The following TFRC variants were observed in gnomAD, a reference collection of about 807,000 sequenced individuals.
The protein encoded by TFRC is transferrin receptor, also known as transferrin receptor protein 1.
In TFRC, 35 loss-of-function variants were observed where a neutral mutation model predicts 85.8. The observed-to-expected ratio is 0.41, with a 90% CI of 0.31 to 0.54. TFRC has a LOEUF of 0.54. Ranked by LOEUF, TFRC falls within the 20% of genes least tolerant of loss-of-function variation. The probability of loss-of-function intolerance (pLI) is 0.31; values close to 1 mark genes in which losing one functional copy is unlikely to be tolerated. For synonymous variants in TFRC, 362 were observed against 328.6 expected (o/e 1.10, Z -1.10); for missense variants, 828 against 921.5 (o/e 0.90, Z 1.31).
In TFRC at chr3:196,051,172, TA is replaced by T. The variant is rs781422962; in HGVS notation, c.*769del. 3.2e-5 allele frequency: 7 copies of T among 216,194 alleles called. No homozygotes were observed. The highest frequency in any genetic ancestry group is 6.5e-5 in the Non-Finnish European group (7 of 107,030). The allele number at this position is 216,194 out of a possible 1,614,324, so 13.4% of individuals were successfully genotyped here. A position where few individuals can be genotyped will look rare whatever the true frequency, so the allele number is the denominator to read the frequency against. The stretch of plus-strand genomic sequence containing the variant: ...AAGTCTGACAAACTGAGTCTGCAAC[TA>T]AACACCTGAAACTGGTTCTCTTTCA... On this transcript the variant is annotated 3_prime_UTR_variant, in exon 19 of 19. Coordinates refer to ENST00000360110, the MANE Select transcript of TFRC (RefSeq NM_001128148.3).
In TFRC at chr3:196,067,654, G is replaced by A. The variant is rs368049940; in HGVS notation, c.904C>T (p.His302Tyr). The A allele has an allele frequency of 8.1e-6, 13 of 1,612,650 alleles. No individual in the cohort carries two copies. The highest frequency in any genetic ancestry group is 6.7e-5 in the Admixed American group (4 of 59,612). ...GTGTAAGGGTCACCTGTCCCCAGAT[G>A]AGCCTAGGAAAACAAAAGAGCAATT... ...NAELSFFGHA[H>Y]LGTGDPYTPG... The change falls in exon 9 of 19, where the codon CAT becomes TAT. Residue 302 changes from histidine (H) to tyrosine (Y), a missense_variant. Physicochemically the swap from His to Tyr is moderately conservative, Grantham distance 83. Coordinates refer to ENST00000360110, the MANE Select transcript of TFRC (RefSeq NM_001128148.3).
Position 196,051,703 on chromosome 3 carries a change from C to T in TFRC, c.*239G>A, listed in dbSNP as rs892797306. 2.0e-6 allele frequency: 1 copy of T among 488,740 alleles called. No individual in the cohort carries two copies. Among genetic ancestry groups the T allele is most frequent in the African/African-American group, 1.9e-5 (1 of 51,330 alleles). The allele number at this position is 488,740 out of a possible 1,614,324, so 30.3% of individuals were successfully genotyped here. A position where few individuals can be genotyped will look rare whatever the true frequency, so the allele number is the denominator to read the frequency against. The stretch of plus-strand genomic sequence containing the variant: ...TTCCCATTACAAAGCACTTAAAATT[C>T]TAGAGATAGGGGAATATTCCATCAT... On this transcript the variant is annotated 3_prime_UTR_variant, in exon 19 of 19. Coordinates refer to ENST00000360110, the MANE Select transcript of TFRC (RefSeq NM_001128148.3).
chr3:196,062,349 T>C (rs1472781759), intron 13 of TFRC: 2 of 466,582 alleles, frequency 4.3e-6, no homozygotes, highest in Non-Finnish European at 7.6e-6. Context: ...CTGGCCAACA[T>C]AGTGAAGCCC....
At chr3:196,070,102 T>C (rs1407419380) in intron 6 of TFRC, among the ~76,000 whole-genome samples, 1 of 152,096 alleles carries the variant, frequency 6.6e-6, no homozygotes, top group Non-Finnish European at 1.5e-5. Flanking sequence ...ACAAAAATCT[T>C]CAATGTTCTT....
Position 196,064,491 on chromosome 3 carries a change from T to C in TFRC, c.1199-63A>G, listed in dbSNP as rs757710728. On this transcript the variant is annotated intron_variant, in intron 10 of 18. Coordinates refer to ENST00000360110, the MANE Select transcript of TFRC (RefSeq NM_001128148.3). ...AATCAGCTTCTAAACTTTTCTAGAATTAGCACATCAGTAGAAAGGTAAAAG... is the reference window on the plus strand; with the variant it reads ...AATCAGCTTCTAAACTTTTCTAGAACTAGCACATCAGTAGAAAGGTAAAAG... 3.2e-5 allele frequency: 48 copies of C among 1,483,438 alleles called. No homozygotes were observed. In the South Asian group the frequency reaches 6.0e-4, roughly 19 times the overall value. 91.9% of individuals were successfully genotyped at this position (1,483,438 alleles called of 1,614,324 possible). A position where few individuals can be genotyped will look rare whatever the true frequency, so the allele number is the denominator to read the frequency against.
intron 16 of TFRC, chr3:196,055,524 G>C (rs1295602559): frequency 3.4e-6 from 2 of 581,554 alleles, no homozygotes; most frequent in Non-Finnish European, 6.1e-6. Context: ...TTTCTTCCAG[G>C]TTCTACAGAA....
chr3:196,053,486 T>C lies in TFRC; in HGVS notation c.1972A>G (p.Thr658Ala), dbSNP rs748490018. ...GTTTTCTCAGCATTCCCGAAATCTG[T>C]TGTTAGTCTGGAAGTAGCACGGAAG... Reference protein sequence around the residue: ...DFFRATSRLTTDFGNAEKTDR... With the variant: ...DFFRATSRLTADFGNAEKTDR... The change falls in exon 18 of 19, where the codon ACA (threonine) becomes GCA (alanine). Residue 658 changes from threonine to alanine, a missense_variant. By Grantham distance (58) the Thr-to-Ala change is moderately conservative. Transcript: ENST00000360110. The C allele has an allele frequency of 4.2e-5, 68 of 1,614,060 alleles. No homozygotes were observed. Among genetic ancestry groups the C allele is most frequent in the African/African-American group, 9.3e-5 (7 of 74,916 alleles).
intron 9 of TFRC, among the ~76,000 whole-genome samples, chr3:196,066,933 T>G (rs899719604): frequency 6.6e-6 from 1 of 152,082 alleles, no homozygotes; most frequent in African/African-American, 2.4e-5. Context: ...TATGTCCACA[T>G]CCAAATCAAA....
intron 17 of TFRC, among the ~76,000 whole-genome samples, chr3:196,054,564 T>C (rs1255390239): frequency 1.3e-5 from 2 of 152,262 alleles, no homozygotes; most frequent in Non-Finnish European, 2.9e-5. Context: ...TATTTAGAGA[T>C]GGGATTTTGC....
chr3:196,055,058 C>T (rs749777484), intron 17 of TFRC, 22 bp downstream of exon 17: 10 of 1,606,964 alleles, frequency 6.2e-6, no homozygotes, highest in East Asian at 2.2e-5. Flanking sequence ...AAAATAAAAA[C>T]GTAATTGGAA....
intron 1 of TFRC, among the ~76,000 whole-genome samples, chr3:196,080,572 C>A (rs1456034866): frequency 6.6e-6 from 1 of 152,208 alleles, no homozygotes; most frequent in Non-Finnish European, 1.5e-5. Context: ...GTGATCGATT[C>A]AGGTTTAGCT....
chr3:196,070,659 G>A (rs1051412093), intron 6 of TFRC, among the ~76,000 whole-genome samples: 6 of 151,874 alleles, frequency 4.0e-5, no homozygotes, highest in Admixed American at 3.9e-4. Flanking sequence ...GCTGGGCGAA[G>A]CAGCTTCCTC....
At position 196,075,369 on chromosome 3, in the gene TFRC, C is replaced by T. The variant is rs200548045; in HGVS notation, c.37-9G>A. 1.3e-5 allele frequency: 21 copies of T among 1,613,726 alleles called. No individual in the cohort carries two copies. In the East Asian group the frequency reaches 1.8e-4, roughly 14 times the overall value. ...AATGGTTCTCCACCAAACTGTGTTG[C>T]GGAAAAAGGCATGATGAAGAACAGG... On this transcript the variant is annotated splice_polypyrimidine_tract_variant and intron_variant, in intron 2 of 18. Transcript: ENST00000360110.
Position 196,065,506 on chromosome 3 carries a change from T to A in TFRC, c.1135A>T (p.Asn379Tyr). The A allele has an allele frequency of 1.9e-6, 3 of 1,596,814 alleles. No individual in the cohort carries two copies. The highest frequency in any genetic ancestry group is 2.2e-5 in the South Asian group (2 of 90,580). ...ESKNVKLTVS[N>Y]VLKEIKILNI... is the part of the protein sequence containing the mutation. ...AGAATTTTTATCTCTTTCAGCACAT[T>A]GCTCACAGTGAGCTTCACATTCTTG... Residue 379 changes from asparagine to tyrosine, a missense_variant, in exon 10 of 19, where the codon AAT becomes TAT. By Grantham distance (143) the Asn-to-Tyr change is moderately radical. Coordinates refer to ENST00000360110, the MANE Select transcript of TFRC (RefSeq NM_001128148.3).
intron 11 of TFRC, 120 bp from the exon 12 acceptor site, chr3:196,063,059 T>A: frequency 1.5e-6 from 1 of 682,124 alleles, no homozygotes; most frequent in South Asian, 2.6e-5. Context: ...CCAAAATCTT[T>A]TTTTTCTGAG....
Position 196,062,574 on chromosome 3 carries a change from A to G in TFRC, c.1468+8T>C. On this transcript the variant is annotated splice_region_variant and intron_variant, in intron 13 of 18. Coordinates refer to ENST00000360110, the MANE Select transcript of TFRC (RefSeq NM_001128148.3). ...AATTCATACACAGCTAATGAAAGGG[A>G]TACTTACCAAGAACCGCTTTATCCA... The G allele has an allele frequency of 1.2e-6, 2 of 1,602,674 alleles. No individual in the cohort carries two copies. Among genetic ancestry groups the G allele is most frequent in the Non-Finnish European group, 1.7e-6 (2 of 1,176,176 alleles).
chr3:196,059,499 G>T (rs1488847986), intron 14 of TFRC, among the ~76,000 whole-genome samples: 1 of 152,034 alleles, frequency 6.6e-6, no homozygotes, highest in South Asian at 2.1e-4. Context: ...ATAATCCCTA[G>T]TATCTCTTGG....
At position 196,051,366 on chromosome 3, in the gene TFRC, C is replaced by A. The variant is rs980926523; in HGVS notation, c.*576G>T. On this transcript the variant is annotated 3_prime_UTR_variant, in exon 19 of 19. Coordinates refer to ENST00000360110, the MANE Select transcript of TFRC (RefSeq NM_001128148.3). ...TTATTCCTGCAATCAACAGTTGAACCTCATTTTATCCAGCAGAAGGACCTC... is the reference window on the plus strand; with the variant it reads ...TTATTCCTGCAATCAACAGTTGAACATCATTTTATCCAGCAGAAGGACCTC... The A allele has an allele frequency of 4.6e-6, 1 of 218,900 alleles. No individual in the cohort carries two copies. The highest frequency in any genetic ancestry group is 2.2e-5 in the African/African-American group (1 of 44,548). 13.6% of individuals were successfully genotyped at this position (218,900 alleles called of 1,614,324 possible).
Position 196,065,610 on chromosome 3 carries a change from G to C in TFRC, c.1041-10C>G. ...GTCTCCTTCCATATTCCTAGAATCA[G>C]AAAGCAGGCGTAAGTTCTGAGTTAT... is the stretch of plus-strand genomic sequence containing the variant. On this transcript the variant is annotated splice_polypyrimidine_tract_variant and intron_variant, in intron 9 of 18. Transcript: ENST00000360110. 2 of 1,593,692 alleles carry C rather than the reference G, an allele frequency of 1.3e-6. No individual in the cohort carries two copies. The highest frequency in any genetic ancestry group is 8.5e-7 in the Non-Finnish European group (1 of 1,174,638).
Sources: gnomAD v4.1 joint callset for allele counts (sites outside exome capture counted in the v4.1 genomes callset) on GRCh38, gnomAD v4.1.1 for gene constraint, MANE v1.5 for transcripts, NCBI Gene and HGNC (gene_info 2026-07-23, HGNC 2026-07-21) for gene names.